The following IPPK variants were observed in gnomAD, a reference collection of about 807,000 sequenced individuals.
The protein encoded by IPPK is inositol-pentakisphosphate 2-kinase, also known as IPK1 homolog.
Under a neutral mutation model 64.6 loss-of-function variants are expected in IPPK, and 22 were observed. The observed-to-expected ratio is 0.34, with a 90% confidence interval of 0.24 to 0.49. The LOEUF is 0.49. Among genes scored for constraint, IPPK ranks in the 20% least tolerant of loss-of-function variants. The pLI, the probability that IPPK is intolerant of heterozygous loss-of-function variation, is 0.99. For synonymous variants in IPPK, 262 were observed against 247.2 expected (o/e 1.06, Z -0.56); for missense variants, 532 against 630.7 (o/e 0.84, Z 1.68).
intron 12 of IPPK, 74 bp downstream of exon 12, chr9:92,619,412 C>T: frequency 8.3e-7 from 1 of 1,208,428 alleles, no homozygotes; most frequent in Admixed American, 2.0e-5. Context: ...AACCAACTAT[C>T]CTATTAACAA....
At chr9:92,634,267 A>G in intron 11 of IPPK, 119 bp downstream of exon 11, 1 of 668,176 alleles carries the variant, frequency 1.5e-6, no homozygotes, top group Non-Finnish European at 2.6e-6. Flanking sequence ...TTTGATCCCA[A>G]GTTTTCTGCT....
At chr9:92,642,275 G>A (rs1852065412) in intron 7 of IPPK, among the ~76,000 whole-genome samples, 1 of 152,290 alleles carries the variant, frequency 6.6e-6, no homozygotes, top group African/African-American at 2.4e-5. Flanking sequence ...AAGCTCTGAA[G>A]GCCGGGGAGC....
At position 92,656,224 on chromosome 9, in the gene IPPK, G is replaced by A. The variant is rs537103698; in HGVS notation, c.225+232C>T. 3.9e-5 allele frequency among the ~76,000 whole-genome samples: 6 copies of A among 152,204 alleles called. No individual in the cohort carries two copies. In the South Asian group the frequency reaches 6.2e-4, roughly 16 times the overall value. ...AGCCTTCAGGAGGGCTGGCAGAGAC[G>A]GGCCCTGGAGAACAGGGGTTCACGT... is the stretch of plus-strand genomic sequence containing the variant. On this transcript the variant is annotated intron_variant, in intron 3 of 12. Transcript: ENST00000287996.
At chr9:92,642,133 C>G (rs949683133) in intron 7 of IPPK, among the ~76,000 whole-genome samples, 9 of 152,272 alleles carry the variant, frequency 5.9e-5, no homozygotes, top group Non-Finnish European at 1.2e-4. Context: ...GGCCTGCTCG[C>G]TGGGCCCCCA....
rs7020985 is a variant in IPPK at position 92,614,083 on chromosome 9, A to G, written c.*1749T>C. On this transcript the variant is annotated 3_prime_UTR_variant, in exon 13 of 13. Transcript: ENST00000287996. ...ATCTGTTTTCTCTTCTCCCTCAAAT[A>G]CAGGCTGTTTTCATCGTGTCTAGTC... 5,522 of 152,242 alleles carry G rather than the reference A, an allele frequency of 0.036. 142 individuals carry two copies. Among genetic ancestry groups the G allele is most frequent in the Middle Eastern group, 0.076 (22 of 290 alleles). 9.4% of individuals were successfully genotyped at this position (152,242 alleles called of 1,614,324 possible).
intron 2 of IPPK, 141 bp from the exon 3 acceptor site, chr9:92,656,692 C>A (rs954783611): frequency 3.6e-5 from 22 of 619,618 alleles, no homozygotes; most frequent in Non-Finnish European, 5.8e-5. Context: ...GGGTGACAGC[C>A]CTCAGACCCA....
At chr9:92,653,893 G>T (rs925928173) in intron 3 of IPPK, among the ~76,000 whole-genome samples, 14 of 152,168 alleles carry the variant, frequency 9.2e-5, no homozygotes, top group Admixed American at 3.3e-4. Context: ...ATCATCTCAA[G>T]AAGTCCAAGT....
At position 92,615,616 on chromosome 9, in the gene IPPK, C is replaced by T. The variant is rs1453348116; in HGVS notation, c.*216G>A. On this transcript the variant is annotated 3_prime_UTR_variant, in exon 13 of 13. Coordinates refer to ENST00000287996, the MANE Select transcript of IPPK (RefSeq NM_022755.6). ...GACACTTCCATTTTAAGAGTGTGAG[C>T]AGCTTCCTGGGACACAGCACTCACT... 5.6e-6 allele frequency: 3 copies of T among 533,568 alleles called. No homozygotes were observed. The Admixed American group carries it at 9.7e-5, about 17-fold the overall frequency. 33.1% of individuals were successfully genotyped at this position (533,568 alleles called of 1,614,324 possible).
intron 11 of IPPK, among the ~76,000 whole-genome samples, chr9:92,628,899 G>C (rs1288695256): frequency 1.1e-4 from 17 of 151,928 alleles, no homozygotes; most frequent in African/African-American, 3.9e-4. Flanking sequence ...ACAAAAAAAT[G>C]GTGCTGGGAC....
At chr9:92,659,883 C>T (rs527544455) in intron 1 of IPPK, among the ~76,000 whole-genome samples, 6 of 152,232 alleles carry the variant, frequency 3.9e-5, no homozygotes, top group East Asian at 3.9e-4. Context: ...CAATGCCATG[C>T]TCCTGGCTCG....
chr9:92,622,476 C>T (rs1587619055), intron 11 of IPPK, among the ~76,000 whole-genome samples: 1 of 152,242 alleles, frequency 6.6e-6, no homozygotes, highest in Non-Finnish European at 1.5e-5. Context: ...AAACCAATCA[C>T]ATTACTGCAT....
Position 92,635,078 on chromosome 9 carries a change from C to T in IPPK, c.1067+80G>A. 1 of 1,383,398 alleles carries T rather than the reference C, an allele frequency of 7.2e-7. No homozygotes were observed. The highest frequency in any genetic ancestry group is 9.8e-7 in the Non-Finnish European group (1 of 1,015,656). 85.7% of individuals were successfully genotyped at this position (1,383,398 alleles called of 1,614,324 possible). A position where few individuals can be genotyped will look rare whatever the true frequency, so the allele number is the denominator to read the frequency against. On this transcript the variant is annotated intron_variant, in intron 10 of 12. Coordinates refer to ENST00000287996, the MANE Select transcript of IPPK (RefSeq NM_022755.6). The surrounding 1 kb of genome is among the most constrained non-coding windows in gnomAD (Gnocchi z 4.4). ...GCTTCATCCTCCTGGGAAGCTGTGC[C>T]TTGGGAGGCGCATTCTTACCCTGCC...
chr9:92,643,142 TATA>T (rs1339221265), intron 6 of IPPK, among the ~76,000 whole-genome samples: 1 of 152,226 alleles, frequency 6.6e-6, no homozygotes, highest in African/African-American at 2.4e-5. Flanking sequence ...CTTCAGAAGT[TATA>T]ATATCCAGTA....
At chr9:92,649,854 C>T (rs531054895) in intron 4 of IPPK, among the ~76,000 whole-genome samples, 5 of 151,720 alleles carry the variant, frequency 3.3e-5, no homozygotes, top group Admixed American at 1.3e-4. Context: ...AGTGAAACCC[C>T]GTCTCTACTA....
rs1375577074 is a variant in IPPK at position 92,613,630 on chromosome 9, C to CG, written c.*2201dup. 4 of 160,808 alleles carry CG rather than the reference C, an allele frequency of 2.5e-5. No individual in the cohort carries two copies. Among genetic ancestry groups the CG allele is most frequent in the East Asian group, 3.5e-4 (2 of 5,716 alleles). The allele number at this position is 160,808 out of a possible 1,614,324, so 10.0% of individuals were successfully genotyped here. ...CACACCCTCACTCCCTGCCTCCCCC[C>CG]GGTCCGCATGGTGGCACCGTGAGGC... On this transcript the variant is annotated 3_prime_UTR_variant, in exon 13 of 13. Coordinates refer to ENST00000287996, the MANE Select transcript of IPPK (RefSeq NM_022755.6).
intron 1 of IPPK, among the ~76,000 whole-genome samples, chr9:92,661,018 T>A (rs1852471597): frequency 6.6e-6 from 1 of 152,118 alleles, no homozygotes; most frequent in African/African-American, 2.4e-5. Flanking sequence ...GATAATAAAA[T>A]AACATCATTC....
At chr9:92,658,449 CAT>C (rs2131459638) in intron 2 of IPPK, among the ~76,000 whole-genome samples, 183 bp downstream of exon 2, 1 of 152,336 alleles carries the variant, frequency 6.6e-6, no homozygotes, top group South Asian at 2.1e-4. Context: ...CACAGTGACA[CAT>C]GGGTTAACGT....
intron 11 of IPPK, among the ~76,000 whole-genome samples, chr9:92,630,525 A>T (rs996494945): frequency 6.6e-6 from 1 of 152,244 alleles, no homozygotes; most frequent in African/African-American, 2.4e-5. Flanking sequence ...GGTAAACTGT[A>T]TGGTATATAA....
chr9:92,624,538 G>A (rs1851700700), intron 11 of IPPK, among the ~76,000 whole-genome samples: 1 of 152,150 alleles, frequency 6.6e-6, no homozygotes. Context: ...GCTGAGGTGG[G>A]AGGATCACCT....
Sources: gnomAD v4.1 joint callset for allele counts (sites outside exome capture counted in the v4.1 genomes callset) on GRCh38, gnomAD v4.1.1 for gene constraint, Gnocchi (gnomAD v3.1) non-coding constraint, MANE v1.5 for transcripts, NCBI Gene and HGNC (gene_info 2026-07-23, HGNC 2026-07-21) for gene names.